Variants in MSL2 observed in about 807,000 individuals in gnomAD.
MSL2 encodes E3 ubiquitin-protein ligase MSL2.
In MSL2, 2 loss-of-function variants were observed where a neutral mutation model predicts 35.8. That is an observed-to-expected ratio of 0.06 (90% CI 0.02 to 0.18). The LOEUF (loss-of-function observed/expected upper bound fraction) is 0.18. Among genes scored for constraint, MSL2 ranks in the 10% least tolerant of loss-of-function variants. The pLI is 1.00. For missense variants in MSL2, 523 were observed against 706.7 expected (o/e 0.74, Z 2.95); for synonymous variants, 296 against 255.7 (o/e 1.16, Z -1.50).
intron 1 of MSL2, among the ~76,000 whole-genome samples, chr3:136,193,391 T>A (rs1164800923): frequency 6.6e-6 from 1 of 152,130 alleles, no homozygotes. Flanking sequence ...TCTACAAATG[T>A]TAACTGATAA....
chr3:136,186,888 G>A (rs544848395), intron 1 of MSL2, among the ~76,000 whole-genome samples: 1 of 152,252 alleles, frequency 6.6e-6, no homozygotes, highest in South Asian at 2.1e-4. Flanking sequence ...CAAAAAGGTA[G>A]GGAACTGCCG....
intron 1 of MSL2, among the ~76,000 whole-genome samples, chr3:136,173,430 T>C (rs905753411): frequency 6.6e-6 from 1 of 152,170 alleles, no homozygotes; most frequent in African/African-American, 2.4e-5. Flanking sequence ...AAGCCTGGTC[T>C]TCCTCCTGCA....
chr3:136,171,264 G>A (rs148026592), intron 1 of MSL2, among the ~76,000 whole-genome samples: 4 of 152,130 alleles, frequency 2.6e-5, no homozygotes, highest in African/African-American at 9.7e-5. Context: ...GAAAACTTAT[G>A]AAGAGCTTCT....
intron 1 of MSL2, among the ~76,000 whole-genome samples, chr3:136,188,953 A>C (rs1940600565): frequency 6.6e-6 from 1 of 151,720 alleles, no homozygotes; most frequent in African/African-American, 2.4e-5. Flanking sequence ...GTAACAATGC[A>C]TTTAGGGAGT....
rs762218473 is a variant in MSL2 at position 136,152,122 on chromosome 3, G to C, written c.759C>G (p.Ile253Met). 1.2e-6 allele frequency: 2 copies of C among 1,614,168 alleles called. No homozygotes were observed. The highest frequency in any genetic ancestry group is 2.2e-5 in the South Asian group (2 of 91,082). The change falls in exon 2 of 2, where the codon ATC becomes ATG. Residue 253 changes from isoleucine to methionine, a missense_variant. Ile to Met is a conservative substitution (Grantham distance 10, BLOSUM62 1). Coordinates refer to ENST00000309993, the MANE Select transcript of MSL2 (RefSeq NM_018133.4). Reference protein sequence around the residue: ...ATDLCSTGIDICSFSEDIKPG... With the variant: ...ATDLCSTGIDMCSFSEDIKPG... ...GTTTTATATCTTCACTGAAACTGCA[G>C]ATATCAATGCCTGTGGAACATAAGT...
intron 1 of MSL2, chr3:136,194,400 A>C (rs2108102060): frequency 5.1e-6 from 5 of 985,110 alleles, no homozygotes; most frequent in South Asian, 9.4e-5. Context: ...CTCACCAGCT[A>C]AAAAGCACTT....
intron 1 of MSL2, among the ~76,000 whole-genome samples, chr3:136,166,054 C>T (rs1267313136): frequency 1.1e-4 from 8 of 75,262 alleles, no homozygotes; most frequent in African/African-American, 2.1e-4. Context: ...TTTAAATGTA[C>T]GTACCAGTAA....
chr3:136,190,254 A>G lies in MSL2; in HGVS notation c.142+4718T>C, dbSNP rs143412502. 1.8e-4 allele frequency among the ~76,000 whole-genome samples: 28 copies of G among 152,276 alleles called. No individual in the cohort carries two copies. In the East Asian group the frequency reaches 4.6e-3, roughly 25 times the overall value. Reference sequence around the variant, plus strand: ...TATTCATCTTTCTATCTTAGCATCTAGAACATCACAGGTGACCAATAAAGA... The same window carrying G: ...TATTCATCTTTCTATCTTAGCATCTGGAACATCACAGGTGACCAATAAAGA... On this transcript the variant is annotated intron_variant, in intron 1 of 1. Coordinates refer to ENST00000309993, the MANE Select transcript of MSL2 (RefSeq NM_018133.4).
intron 1 of MSL2, among the ~76,000 whole-genome samples, chr3:136,177,694 A>C (rs1940219717): frequency 6.6e-6 from 1 of 151,760 alleles, no homozygotes; most frequent in South Asian, 2.1e-4. Context: ...AAAAAAAAAA[A>C]AAAAAAAAAG....
intron 1 of MSL2, among the ~76,000 whole-genome samples, chr3:136,174,501 T>C (rs1034423191): frequency 6.6e-6 from 1 of 152,176 alleles, no homozygotes; most frequent in Non-Finnish European, 1.5e-5. Context: ...CCACAAGATA[T>C]ACAACCTTTT....
chr3:136,158,363 A>G (rs761008215), intron 1 of MSL2, among the ~76,000 whole-genome samples: 14 of 151,978 alleles, frequency 9.2e-5, no homozygotes, highest in Non-Finnish European at 1.6e-4. Flanking sequence ...TCCCATAAAC[A>G]TGACAAAATC....
At chr3:136,189,709 G>C (rs527245033) in intron 1 of MSL2, among the ~76,000 whole-genome samples, 2 of 137,672 alleles carry the variant, frequency 1.5e-5, no homozygotes, top group South Asian at 4.8e-4. Context: ...GGGCGACAGC[G>C]AGACGCCGTC....
In MSL2 at chr3:136,195,440, C is replaced by T. The variant is rs570174545; in HGVS notation, c.-327G>A. ...GCGGGACTCGGAGCTCAGTCTAGCCCCGCGGCTCGGCAGGCGGCCTGCACT... is the reference window on the plus strand; with the variant it reads ...GCGGGACTCGGAGCTCAGTCTAGCCTCGCGGCTCGGCAGGCGGCCTGCACT... On this transcript the variant is annotated 5_prime_UTR_variant, in exon 1 of 2. Coordinates refer to ENST00000309993, the MANE Select transcript of MSL2 (RefSeq NM_018133.4). The T allele has an allele frequency of 9.5e-7, 1 of 1,055,290 alleles. No homozygotes were observed. Among genetic ancestry groups the T allele is most frequent in the East Asian group, 7.7e-5 (1 of 12,988 alleles). 65.4% of individuals were successfully genotyped at this position (1,055,290 alleles called of 1,614,324 possible). A position where few individuals can be genotyped will look rare whatever the true frequency, so the allele number is the denominator to read the frequency against.
At chr3:136,163,230 A>C (rs906122308) in intron 1 of MSL2, among the ~76,000 whole-genome samples, 2 of 152,130 alleles carry the variant, frequency 1.3e-5, no homozygotes, top group Non-Finnish European at 2.9e-5. Context: ...TTGCACTCCA[A>C]CCTGGGCAAC....
At chr3:136,180,543 T>C (rs543427651) in intron 1 of MSL2, among the ~76,000 whole-genome samples, 5 of 150,130 alleles carry the variant, frequency 3.3e-5, no homozygotes, top group African/African-American at 4.9e-5. Flanking sequence ...CTACTAAAAA[T>C]ACAAAAATTA....
intron 1 of MSL2, among the ~76,000 whole-genome samples, chr3:136,163,301 G>GA (rs1401759067): frequency 6.6e-6 from 1 of 152,112 alleles, no homozygotes; most frequent in Non-Finnish European, 1.5e-5. Flanking sequence ...GCCCTAAAAT[G>GA]AATTTCAACT....
At chr3:136,169,228 T>TGGCG (rs1939940713) in intron 1 of MSL2, among the ~76,000 whole-genome samples, 1 of 4,074 alleles carries the variant, frequency 2.5e-4, no homozygotes, top group African/African-American at 8.4e-4. Context: ...GTTGTTGTTT[T>TGGCG]GGCGGGGGGG....
intron 1 of MSL2, among the ~76,000 whole-genome samples, chr3:136,173,732 T>G (rs1303245060): frequency 6.6e-6 from 1 of 152,220 alleles, no homozygotes; most frequent in African/African-American, 2.4e-5. Flanking sequence ...CAAGTCTGAT[T>G]ACATGCCTTT....
intron 1 of MSL2, among the ~76,000 whole-genome samples, chr3:136,180,206 G>A (rs956922810): frequency 8.5e-5 from 13 of 152,082 alleles, no homozygotes; most frequent in South Asian, 2.1e-4. Context: ...TTATGTTTCC[G>A]ACTAAAATTT....
Sources: gnomAD v4.1 joint callset for allele counts (sites outside exome capture counted in the v4.1 genomes callset) on GRCh38, gnomAD v4.1.1 for gene constraint, MANE v1.5 for transcripts, NCBI Gene and HGNC (gene_info 2026-07-23, HGNC 2026-07-21) for gene names.